Variants in MBNL1 observed in about 807,000 individuals in gnomAD.
MBNL1 encodes muscleblind like splicing regulator 1.
Under a neutral mutation model 42.2 loss-of-function variants are expected in MBNL1, and 8 were observed. The ratio of observed to expected loss-of-function variants is 0.19; its 90% confidence interval spans 0.11 to 0.34. The LOEUF (loss-of-function observed/expected upper bound fraction) is 0.34, where lower values mean the gene tolerates loss of function less well. Among genes scored for constraint, MBNL1 ranks in the 10% least tolerant of loss-of-function variants. MBNL1 has a pLI of 1.00. For missense variants in MBNL1, 309 were observed against 495.3 expected, an observed-to-expected ratio of 0.62 and a Z score of 3.57; for synonymous variants, 169 against 173.9, an observed-to-expected ratio of 0.97 and a Z score of 0.22.
intron 2 of MBNL1, among the ~76,000 whole-genome samples, chr3:152,367,367 TTA>T (rs2096448730): frequency 6.6e-6 from 1 of 152,238 alleles, no homozygotes; most frequent in Non-Finnish European, 1.5e-5. Context: ...TCATCCTTTT[TTA>T]TGGCTGCATA....
intron 2 of MBNL1, among the ~76,000 whole-genome samples, chr3:152,257,620 T>A (rs760984454): frequency 1.3e-5 from 2 of 152,354 alleles, no homozygotes; most frequent in East Asian, 1.9e-4. Flanking sequence ...TATTTTCTCC[T>A]CTTAAAATTC....
chr3:152,375,444 A>G (rs1445015848), intron 2 of MBNL1, among the ~76,000 whole-genome samples: 1 of 152,156 alleles, frequency 6.6e-6, no homozygotes, highest in Non-Finnish European at 1.5e-5. Context: ...AAAATAAATA[A>G]TGATTATAAT....
At chr3:152,367,615 C>T (rs941830788) in intron 2 of MBNL1, among the ~76,000 whole-genome samples, 1 of 152,218 alleles carries the variant, frequency 6.6e-6, no homozygotes, top group Non-Finnish European at 1.5e-5. Flanking sequence ...CTGTCTTTCA[C>T]AATGGTTGAA....
chr3:152,354,041 A>G (rs2095320497), intron 2 of MBNL1, among the ~76,000 whole-genome samples: 1 of 152,196 alleles, frequency 6.6e-6, no homozygotes, highest in African/African-American at 2.4e-5. Flanking sequence ...GTTGTTGTTC[A>G]AAGTATAATC....
At chr3:152,317,610 G>C (rs902127727) in intron 2 of MBNL1, among the ~76,000 whole-genome samples, 1 of 152,050 alleles carries the variant, frequency 6.6e-6, no homozygotes, top group Non-Finnish European at 1.5e-5. Flanking sequence ...GTGAGCCACC[G>C]TGCCTGGCCT....
At chr3:152,252,943 G>A (rs1361186066) in intron 2 of MBNL1, among the ~76,000 whole-genome samples, 1 of 152,088 alleles carries the variant, frequency 6.6e-6, no homozygotes, top group African/African-American at 2.4e-5. Flanking sequence ...AATAGGAAGA[G>A]AAATTTGTGG....
At chr3:152,269,452 A>T (rs2038908558) in intron 1 of MBNL1, 1 of 445,458 alleles carries the variant, frequency 2.2e-6, no homozygotes, top group South Asian at 1.6e-5. Flanking sequence ...TGTCGGGGGA[A>T]GGTGTGAGTC....
intron 1 of MBNL1, among the ~76,000 whole-genome samples, chr3:152,279,381 C>T (rs35369452): frequency 0.11 from 16,200 of 152,024 alleles, 1,111 homozygotes; most frequent in Middle Eastern, 0.18. Flanking sequence ...CCAACCCCAT[C>T]CCTCCCCATC....
intron 2 of MBNL1, among the ~76,000 whole-genome samples, chr3:152,389,160 C>T (rs1314349130): frequency 9.2e-5 from 14 of 152,038 alleles, no homozygotes. Context: ...GTGATCTCGG[C>T]TCACCACAAC....
intron 1 of MBNL1, among the ~76,000 whole-genome samples, chr3:152,297,733 T>G (rs2059250366): frequency 6.6e-6 from 1 of 152,126 alleles, no homozygotes; most frequent in African/African-American, 2.4e-5. Flanking sequence ...CTCAGCTCAC[T>G]GCAGCTTCCG....
At chr3:152,410,338 T>C (rs764168165) in intron 2 of MBNL1, among the ~76,000 whole-genome samples, 3 of 152,180 alleles carry the variant, frequency 2.0e-5, no homozygotes, top group Admixed American at 1.3e-4. Context: ...AATTACTCGA[T>C]GAATTTATTG....
At chr3:152,459,027 G>T in intron 8 of MBNL1, 1 of 321,220 alleles carries the variant, frequency 3.1e-6, no homozygotes, top group Non-Finnish European at 5.7e-6. Context: ...ATTTTTGATA[G>T]TTTTACTTAT....
At position 152,257,348 on chromosome 3, in the gene MBNL1, G is replaced by T. The variant is rs558306131; in HGVS notation, n.333+12908G>T. On this transcript the variant is annotated intron_variant and non_coding_transcript_variant, in intron 2 of 2. Transcript: ENST00000477171. Reference sequence around the variant, plus strand: ...GATTCAGGAAGGGAATACAGAAAGAGCAGGCAGACATTGGGCCTATTTAAT... The same window carrying T: ...GATTCAGGAAGGGAATACAGAAAGATCAGGCAGACATTGGGCCTATTTAAT... Among the ~76,000 whole-genome samples the T allele has an allele frequency of 7.6e-4, 116 of 152,300 alleles. 1 individual carries two copies. Among genetic ancestry groups the T allele is most frequent in the Non-Finnish European group, 1.5e-3 (99 of 68,020 alleles).
chr3:152,368,137 GT>G (rs2096498905), intron 2 of MBNL1, among the ~76,000 whole-genome samples: 1 of 151,994 alleles, frequency 6.6e-6, no homozygotes, highest in Admixed American at 6.6e-5. Flanking sequence ...GGTTTTTATG[GT>G]TTTAGGTCTT....
intron 2 of MBNL1, among the ~76,000 whole-genome samples, chr3:152,333,768 A>G (rs2087133973): frequency 6.6e-6 from 1 of 152,234 alleles, no homozygotes; most frequent in African/African-American, 2.4e-5. Context: ...CTGTTATTAA[A>G]TCTTAATTTT....
chr3:152,349,405 A>G (rs1168742760), intron 2 of MBNL1, among the ~76,000 whole-genome samples: 1 of 152,132 alleles, frequency 6.6e-6, no homozygotes, highest in African/African-American at 2.4e-5. Context: ...AGTTGGAAAC[A>G]TATCTTATTT....
At chr3:152,396,011 C>T (rs2097915876) in intron 2 of MBNL1, among the ~76,000 whole-genome samples, 1 of 152,274 alleles carries the variant, frequency 6.6e-6, no homozygotes, top group African/African-American at 2.4e-5. Context: ...GGCATTACCA[C>T]CTGAGTTCTG....
rs116207630 is a variant in MBNL1, at chr3:152,315,529, G to A, written c.174+15162G>A. Among the ~76,000 whole-genome samples the A allele has an allele frequency of 5.7e-3, 869 of 151,924 alleles. 8 individuals are homozygous for A. The highest frequency in any genetic ancestry group is 0.02 in the African/African-American group (827 of 41,430). On this transcript the variant is annotated intron_variant, in intron 2 of 9. Coordinates refer to ENST00000324210, the MANE Select transcript of MBNL1 (RefSeq NM_021038.5). ...TTTTTGCTTACTACAGTTTTGTTTC[G>A]TATTTGATAAAAAAATTTCCATGTA...
chr3:152,387,591 A>G (rs527951397), intron 2 of MBNL1, among the ~76,000 whole-genome samples: 3 of 152,040 alleles, frequency 2.0e-5, no homozygotes, highest in African/African-American at 7.2e-5. Flanking sequence ...CCTTTCTCAT[A>G]TATCATCTTT....
Sources: allele counts gnomAD v4.1 joint callset (sites outside exome capture counted in the v4.1 genomes callset), GRCh38; gene constraint gnomAD v4.1.1; transcripts MANE v1.5; gene names NCBI Gene and HGNC (gene_info 2026-07-23, HGNC 2026-07-21).